Variants in RNF38 observed in about 807,000 individuals in gnomAD.
RNF38 encodes ring finger protein 38.
Under a neutral mutation model 67.2 loss-of-function variants are expected in RNF38, and 15 were observed. The observed-to-expected ratio is 0.22, with a 90% CI of 0.15 to 0.34. The LOEUF is 0.34. Ranked by LOEUF, RNF38 falls within the 10% of genes least tolerant of loss-of-function variation. The pLI is 1.00. For missense variants in RNF38, 524 were observed against 639.9 expected, an observed-to-expected ratio of 0.82 and a Z score of 1.95; for synonymous variants, 220 against 218.8, an observed-to-expected ratio of 1.01 and a Z score of -0.05.
chr9:36,409,441 A>G, intron 2 of RNF38, among the ~76,000 whole-genome samples: 1 of 152,214 alleles, frequency 6.6e-6, no homozygotes, highest in South Asian at 2.1e-4. Context: ...CGCTGAAAAC[A>G]GACATGGGAA....
At chr9:36,457,837 C>T (rs1011386719) in intron 1 of RNF38, among the ~76,000 whole-genome samples, 5 of 151,082 alleles carry the variant, frequency 3.3e-5, no homozygotes, top group African/African-American at 7.3e-5. Context: ...AGGGAGACTC[C>T]GTCTCCAAAA....
intron 4 of RNF38, among the ~76,000 whole-genome samples, chr9:36,362,813 T>C (rs1834663744): frequency 6.6e-6 from 1 of 151,994 alleles, no homozygotes; most frequent in South Asian, 2.1e-4. Flanking sequence ...TTTGTATTTT[T>C]AGTACAGATG....
intron 2 of RNF38, among the ~76,000 whole-genome samples, chr9:36,381,643 T>C (rs769303571): frequency 9.2e-5 from 14 of 152,258 alleles, no homozygotes; most frequent in Non-Finnish European, 1.6e-4. Flanking sequence ...GACAAAGCTT[T>C]ACTCTATAAA....
At chr9:36,448,503 T>C (rs1204408676) in intron 1 of RNF38, among the ~76,000 whole-genome samples, 3 of 152,164 alleles carry the variant, frequency 2.0e-5, no homozygotes, top group African/African-American at 7.2e-5. Context: ...AGTGGTGGTA[T>C]AGTACAAATA....
intron 1 of RNF38, among the ~76,000 whole-genome samples, chr9:36,471,547 G>T (rs978361645): frequency 1.4e-4 from 22 of 152,210 alleles, no homozygotes; most frequent in African/African-American, 5.3e-4. Flanking sequence ...TTCTGAAGCG[G>T]TAATCCCAGC....
intron 1 of RNF38, among the ~76,000 whole-genome samples, chr9:36,441,429 C>T (rs1171049336): frequency 1.3e-5 from 2 of 151,818 alleles, no homozygotes; most frequent in South Asian, 2.1e-4. Context: ...TGGGTTCACA[C>T]GATTCTCCTG....
At chr9:36,461,814 T>C (rs1461046709) in intron 1 of RNF38, among the ~76,000 whole-genome samples, 1 of 152,086 alleles carries the variant, frequency 6.6e-6, no homozygotes, top group Non-Finnish European at 1.5e-5. Context: ...AGGGGAGAAA[T>C]AGTTTTGCAG....
At chr9:36,422,819 A>G (rs1838665565) in intron 2 of RNF38, among the ~76,000 whole-genome samples, 1 of 152,168 alleles carries the variant, frequency 6.6e-6, no homozygotes, top group Non-Finnish European at 1.5e-5. Flanking sequence ...TCTCAAAAGC[A>G]CAAAATCAGC....
At chr9:36,466,446 C>G (rs1052146426) in intron 1 of RNF38, among the ~76,000 whole-genome samples, 1 of 152,192 alleles carries the variant, frequency 6.6e-6, no homozygotes, top group African/African-American at 2.4e-5. Flanking sequence ...GTAGCAGGCA[C>G]AATGGGAGGC....
At chr9:36,429,568 C>T (rs1342735293) in intron 1 of RNF38, among the ~76,000 whole-genome samples, 1 of 152,120 alleles carries the variant, frequency 6.6e-6, no homozygotes, top group Non-Finnish European at 1.5e-5. Context: ...ATCATGAAGT[C>T]AGGAGTTTGA....
At chr9:36,461,878 T>C (rs1839741740) in intron 1 of RNF38, among the ~76,000 whole-genome samples, 1 of 152,136 alleles carries the variant, frequency 6.6e-6, no homozygotes, top group African/African-American at 2.4e-5. Context: ...AAATACAAAT[T>C]TGGGGATTCT....
At chr9:36,360,960 T>C (rs1046359438) in intron 4 of RNF38, among the ~76,000 whole-genome samples, 1 of 152,026 alleles carries the variant, frequency 6.6e-6, no homozygotes, top group Non-Finnish European at 1.5e-5. Flanking sequence ...TACAAGTGCA[T>C]GCGACCACAC....
chr9:36,445,379 T>G (rs1322889968), intron 1 of RNF38, among the ~76,000 whole-genome samples: 3 of 152,222 alleles, frequency 2.0e-5, no homozygotes, highest in Admixed American at 2.0e-4. Context: ...TGATTTCATG[T>G]TTTTCTTTTC....
chr9:36,447,064 T>C (rs1361173437), intron 1 of RNF38, among the ~76,000 whole-genome samples: 6 of 150,448 alleles, frequency 4.0e-5, no homozygotes, highest in African/African-American at 7.4e-5. Context: ...GAGATGGAGG[T>C]TGCAGTGAGT....
chr9:36,428,142 C>A (rs932992964), intron 1 of RNF38, among the ~76,000 whole-genome samples: 1 of 151,850 alleles, frequency 6.6e-6, no homozygotes, highest in Non-Finnish European at 1.5e-5. Context: ...TGAGGCCAGG[C>A]GCGGTGGCTC....
At chr9:36,419,536 T>C (rs559947553) in intron 2 of RNF38, among the ~76,000 whole-genome samples, 152 of 152,336 alleles carry the variant, frequency 1.0e-3, no homozygotes, top group African/African-American at 2.9e-3. Flanking sequence ...ACTGAGAGAA[T>C]AGTCTTATCA....
intron 4 of RNF38, among the ~76,000 whole-genome samples, chr9:36,362,729 G>T (rs989447663): frequency 1.3e-5 from 2 of 151,930 alleles, no homozygotes; most frequent in African/African-American, 4.8e-5. Flanking sequence ...CACATCCTGG[G>T]TTCAAGCCAT....
At chr9:36,365,457 A>G (rs1310736863) in intron 4 of RNF38, among the ~76,000 whole-genome samples, 1 of 151,814 alleles carries the variant, frequency 6.6e-6, no homozygotes, top group Non-Finnish European at 1.5e-5. Context: ...AATCCCAGCT[A>G]CTCAGGAGGC....
chr9:36,485,049 G>A (rs1346877283), intron 1 of RNF38, among the ~76,000 whole-genome samples: 2 of 152,136 alleles, frequency 1.3e-5, no homozygotes, highest in East Asian at 3.9e-4. Context: ...GGCGCCTGTG[G>A]TCCCAGCTAC....
Sources: allele counts gnomAD v4.1 joint callset (sites outside exome capture counted in the v4.1 genomes callset), GRCh38; gene constraint gnomAD v4.1.1; transcripts MANE v1.5; gene names NCBI Gene and HGNC (gene_info 2026-07-23, HGNC 2026-07-21).